SFTPC: variants seen among roughly 807,000 people sequenced by gnomAD.
SFTPC encodes BRICHOS domain containing 6.
A neutral mutation model predicts 19.9 loss-of-function variants in SFTPC; 12 were observed. That is an observed-to-expected ratio of 0.60 (90% CI 0.39 to 0.98). The LOEUF (loss-of-function observed/expected upper bound fraction) is 0.98. SFTPC is among the 50% of genes least tolerant of loss of function. The probability of loss-of-function intolerance (pLI) is 0.00; values close to 1 mark genes in which losing one functional copy is unlikely to be tolerated. For synonymous variants in SFTPC, 123 were observed against 103.3 expected, an observed-to-expected ratio of 1.19 and a Z score of -1.16; for missense variants, 219 against 252.2, an observed-to-expected ratio of 0.87 and a Z score of 0.89.
At chr8:22,159,308 T>C (rs1484687631), upstream of SFTPC, among the ~76,000 whole-genome samples, 2 of 151,634 alleles carry the variant, frequency 1.3e-5, no homozygotes, top group Admixed American at 1.3e-4. Context: ...ATAAATAAAA[T>C]AAAAATAAAA....
chr8:22,162,657 G>C lies in SFTPC; in HGVS notation c.126G>C (p.Val42=). 1 of 1,614,196 alleles carries C rather than the reference G, an allele frequency of 6.2e-7. No individual in the cohort carries two copies. The highest frequency in any genetic ancestry group is 8.5e-7 in the Non-Finnish European group (1 of 1,180,028). ...AACGCCTTCTTATCGTGGTGGTGGT[G>C]GTGGTCCTCATCGTCGTGGTGATTG... is the stretch of plus-strand genomic sequence containing the variant. The part of the protein sequence containing the change: ...HLKRLLIVVV[V]VVLIVVVIVG... Residue 42 remains valine (V), a synonymous_variant, in exon 2 of 6, where the codon GTG becomes GTC. Transcript: ENST00000679463.
upstream of SFTPC, among the ~76,000 whole-genome samples, chr8:22,160,531 A>T (rs1254403141): frequency 1.3e-5 from 2 of 152,236 alleles, no homozygotes; most frequent in Admixed American, 1.3e-4. Flanking sequence ...GGATCACCGG[A>T]GTCCAGGAGG....
chr8:22,161,954 G>C, intron 1 of SFTPC, 84 bp downstream of exon 1: 2 of 1,385,162 alleles, frequency 1.4e-6, no homozygotes, highest in Non-Finnish European at 2.0e-6. Context: ...TCCCTGGCCT[G>C]TTTCCTTATC....
At chr8:22,162,446 C>T in intron 1 of SFTPC, 128 bp from the exon 2 acceptor site, 1 of 1,032,840 alleles carries the variant, frequency 9.7e-7, no homozygotes, top group East Asian at 2.4e-5. Flanking sequence ...CTCAGCCCTT[C>T]CCTGTCCATC....
chr8:22,157,872 T>C (rs1827559662), upstream of SFTPC, among the ~76,000 whole-genome samples: 1 of 152,224 alleles, frequency 6.6e-6, no homozygotes, highest in Non-Finnish European at 1.5e-5. Context: ...CTATATTGGG[T>C]TTATTACTGA....
At chr8:22,164,220 T>A in intron 5 of SFTPC, 46 bp from the exon 6 acceptor site, 1 of 1,515,556 alleles carries the variant, frequency 6.6e-7, no homozygotes, top group Non-Finnish European at 8.8e-7. Flanking sequence ...TACTTCCCAC[T>A]CCCCTGATTC....
upstream of SFTPC, chr8:22,159,939 C>T: frequency 1.2e-6 from 1 of 855,900 alleles, no homozygotes; most frequent in Non-Finnish European, 1.7e-6. Context: ...GTGGGCACTG[C>T]AGGCGAGCTG....
At chr8:22,161,519 C>A, upstream of SFTPC, 1 of 548,828 alleles carries the variant, frequency 1.8e-6, no homozygotes, top group South Asian at 2.0e-5. Context: ...AAGGCAGGCA[C>A]GCCAGGAAGA....
At chr8:22,163,789 T>A (rs1827885882) in intron 4 of SFTPC, 112 bp from the exon 5 acceptor site, 1 of 1,054,382 alleles carries the variant, frequency 9.5e-7, no homozygotes, top group African/African-American at 1.6e-5. Context: ...TCTTTACTGA[T>A]GAGAAAACTG....
chr8:22,160,724 CT>C (rs955299081), upstream of SFTPC, among the ~76,000 whole-genome samples: 6 of 152,200 alleles, frequency 3.9e-5, no homozygotes, highest in African/African-American at 1.4e-4. Context: ...TAGAGACCAC[CT>C]GGCCCAAGGA....
chr8:22,163,524 C>T lies in SFTPC; in HGVS notation c.413C>T (p.Thr138Ile), dbSNP rs4715. Residue 138 changes from threonine (T) to isoleucine (I), a missense_variant, in exon 4 of 6, where the codon ACT (threonine) becomes ATT (isoleucine). Transcript: ENST00000679463. The part of the protein sequence containing the change: ...PESIPSLEAL[T>I]RKVHNFQAKP... ...AGCATCCCCAGTCTTGAGGCTCTCA[C>T]TAGAAAAGTCCACAACTTCCAGGTG... The T allele has an allele frequency of 6.2e-7, 1 of 1,612,330 alleles. No individual in the cohort carries two copies. The highest frequency in any genetic ancestry group is 8.5e-7 in the Non-Finnish European group (1 of 1,178,662).
rs1232177240 is a variant in SFTPC, at chr8:22,162,699, G to A, written c.168G>A (p.Met56Ile). 1 of 1,614,218 alleles carries A rather than the reference G, an allele frequency of 6.2e-7. No homozygotes were observed. Among genetic ancestry groups the A allele is most frequent in the South Asian group, 1.1e-5 (1 of 91,090 alleles). ...IVVVIVGALLMGLHMSQKHTE... is the reference protein window; with the variant it reads ...IVVVIVGALLIGLHMSQKHTE... ...TGGTGATTGTGGGAGCCCTGCTCAT[G>A]GGTCTCCACATGAGCCAGAAACACA... The change falls in exon 2 of 6, where the codon ATG becomes ATA. Residue 56 changes from methionine to isoleucine, a missense_variant. Met to Ile is a conservative substitution (Grantham distance 10). Transcript: ENST00000679463.
chr8:22,159,431 T>G, upstream of SFTPC: 3 of 284,126 alleles, frequency 1.1e-5, no homozygotes, highest in East Asian at 1.4e-4. Flanking sequence ...AGGGGGAAAT[T>G]TGGCACACCC....
rs1253679703 is a variant in SFTPC at position 22,163,082 on chromosome 8, T to C, written c.204T>C (p.Val68=). 7 of 1,613,978 alleles carry C rather than the reference T, an allele frequency of 4.3e-6. No homozygotes were observed. The highest frequency in any genetic ancestry group is 5.9e-6 in the Non-Finnish European group (7 of 1,180,002). ...GTGGCTCCATGCCCTTTCCCCAGGT[T>C]CTGGAGATGAGCATTGGGGCGCCGG... ...LHMSQKHTEM[V]LEMSIGAPEA... The change falls in exon 3 of 6, where the codon GTT becomes GTC. Residue 68 remains valine (V), a splice_region_variant and synonymous_variant. Transcript: ENST00000679463.
chr8:22,162,092 C>A (rs1261890598), intron 1 of SFTPC, among the ~76,000 whole-genome samples: 1 of 152,088 alleles, frequency 6.6e-6, no homozygotes, highest in Admixed American at 6.5e-5. Flanking sequence ...GTAGAAAGGG[C>A]TGTCCGTAGA....
chr8:22,159,554 G>C (rs1336088650), upstream of SFTPC: 5 of 372,290 alleles, frequency 1.3e-5, no homozygotes, highest in Non-Finnish European at 2.6e-5. Context: ...AAGCAAAAAT[G>C]GGTTTAAAAA....
At chr8:22,163,834 C>A (rs752694682) in intron 4 of SFTPC, 67 bp from the exon 5 acceptor site, 60 of 1,420,834 alleles carry the variant, frequency 4.2e-5, no homozygotes, top group Middle Eastern at 1.7e-4. Context: ...ACCTGAAGTC[C>A]CACAATAAGG....
Position 22,162,526 on chromosome 8 carries a change from C to G in SFTPC, c.43-48C>G, listed in dbSNP as rs774494261. 3 of 1,604,632 alleles carry G rather than the reference C, an allele frequency of 1.9e-6. No homozygotes were observed. The South Asian group carries it at 3.3e-5, about 18-fold the overall frequency. The stretch of plus-strand genomic sequence containing the variant: ...CAGCTTGTATAGGGAGAAGAGGGGA[C>G]AGCCTCATGACCTCATGCCTGTCTC... On this transcript the variant is annotated intron_variant, in intron 1 of 5. Transcript: ENST00000679463.
intron 5 of SFTPC, 63 bp from the exon 6 acceptor site, chr8:22,164,203 A>G: frequency 6.5e-7 from 1 of 1,529,298 alleles, no homozygotes; most frequent in Non-Finnish European, 8.7e-7. Flanking sequence ...GGAAGCTCAC[A>G]GACCGGTACT....
Sources: gnomAD v4.1 joint callset for allele counts (sites outside exome capture counted in the v4.1 genomes callset) on GRCh38, gnomAD v4.1.1 for gene constraint, MANE v1.5 for transcripts, NCBI Gene and HGNC (gene_info 2026-07-23, HGNC 2026-07-21) for gene names.